Variants in RREB1 observed in about 807,000 individuals in gnomAD.
RREB1 encodes ras responsive element binding protein 1, also known as ras-responsive element-binding protein 1.
A neutral mutation model predicts 117.8 loss-of-function variants in RREB1; 27 were observed. The ratio of observed to expected loss-of-function variants is 0.23; its 90% CI spans 0.17 to 0.32. RREB1 has a LOEUF of 0.32. Among genes scored for constraint, RREB1 ranks in the 10% least tolerant of loss-of-function variants. The probability of loss-of-function intolerance (pLI) is 1.00; values close to 1 mark genes in which losing one functional copy is unlikely to be tolerated. For missense variants in RREB1, 2,577 were observed against 2,378.2 expected (o/e 1.08, Z -1.74); for synonymous variants, 1,298 against 1,026.7 (o/e 1.26, Z -5.05).
intron 1 of RREB1, among the ~76,000 whole-genome samples, chr6:7,132,587 T>C (rs998677137): frequency 6.6e-6 from 1 of 152,266 alleles, no homozygotes; most frequent in Non-Finnish European, 1.5e-5. Flanking sequence ...AGGGGTTATT[T>C]GACCTGTTTC....
intron 10 of RREB1, among the ~76,000 whole-genome samples, chr6:7,236,861 C>G (rs76323331): frequency 2.4e-5 from 3 of 123,854 alleles, no homozygotes; most frequent in Non-Finnish European, 5.0e-5. Flanking sequence ...TAAACACTGG[C>G]TAATTTTTTT....
chr6:7,245,373 C>G (rs927761325), intron 11 of RREB1, among the ~76,000 whole-genome samples: 3 of 152,066 alleles, frequency 2.0e-5, no homozygotes, highest in Non-Finnish European at 4.4e-5. Context: ...CCAGCCTGGG[C>G]GACAAGGCGA....
chr6:7,129,626 A>G (rs1404828044), intron 1 of RREB1, among the ~76,000 whole-genome samples: 1 of 152,234 alleles, frequency 6.6e-6, no homozygotes, highest in African/African-American at 2.4e-5. Flanking sequence ...GCGAAGCTTT[A>G]TTTCTTTACA....
intron 10 of RREB1, among the ~76,000 whole-genome samples, chr6:7,237,339 G>A (rs1490729524): frequency 6.6e-6 from 1 of 151,658 alleles, no homozygotes; most frequent in Non-Finnish European, 1.5e-5. Flanking sequence ...CACCAGCCTC[G>A]ACCTCCCAAA....
intron 1 of RREB1, among the ~76,000 whole-genome samples, chr6:7,113,152 GTCCTGACTGC>G (rs1222417298): frequency 6.7e-6 from 1 of 148,620 alleles, no homozygotes; most frequent in African/African-American, 2.5e-5. Flanking sequence ...TGGGGACTGG[GTCCTGACTGC>G]TCCTGCAGGG....
chr6:7,202,139 A>G (rs1253317009), intron 6 of RREB1, among the ~76,000 whole-genome samples: 2 of 151,888 alleles, frequency 1.3e-5, no homozygotes, highest in Non-Finnish European at 2.9e-5. Context: ...ACATCCCCAG[A>G]GTGGGTGGCT....
At chr6:7,189,116 A>T (rs1581512929) in intron 5 of RREB1, 43 bp from the exon 6 acceptor site, 1 of 1,560,496 alleles carries the variant, frequency 6.4e-7, no homozygotes, top group Non-Finnish European at 8.7e-7. Flanking sequence ...TGAGCTTCTG[A>T]TGCACTTTCT....
intron 9 of RREB1, 117 bp downstream of exon 9, chr6:7,226,773 T>A: frequency 2.5e-6 from 2 of 807,722 alleles, no homozygotes; most frequent in Non-Finnish European, 4.0e-6. Context: ...TTGGGCTTTG[T>A]CTTTTTTTGT....
chr6:7,220,894 A>G (rs2714340), intron 8 of RREB1, among the ~76,000 whole-genome samples: 186 of 152,312 alleles, frequency 1.2e-3, no homozygotes, highest in African/African-American at 4.2e-3. Flanking sequence ...GACAAGCCCA[A>G]AGGAGGTTTG....
Position 7,249,130 on chromosome 6 carries a change from A to G in RREB1, c.*162A>G, listed in dbSNP as rs1175565697. The G allele has an allele frequency of 1.5e-6, 1 of 659,500 alleles. No individual in the cohort carries two copies. Among genetic ancestry groups the G allele is most frequent in the African/African-American group, 1.8e-5 (1 of 54,918 alleles). 40.9% of individuals were successfully genotyped at this position (659,500 alleles called of 1,614,324 possible). A position where few individuals can be genotyped will look rare whatever the true frequency, so the allele number is the denominator to read the frequency against. On this transcript the variant is annotated 3_prime_UTR_variant, in exon 13 of 13. Coordinates refer to ENST00000379938, the MANE Select transcript of RREB1 (RefSeq NM_001003699.4). The stretch of plus-strand genomic sequence containing the variant: ...CAAGCAGGAGCGTGGCTGCTCGCTC[A>G]GTGCCATAGCCTTACCGCAGCCTGC...
rs1761842027 is a variant in RREB1, at chr6:7,124,881, C to T, written c.-285+16821C>T. ...AAGCAGCTAGCTAGTAGGGCTCAAA[C>T]TGTGAAGTGTGACTCTGAGCTGTGC... On this transcript the variant is annotated intron_variant, in intron 1 of 12. Transcript: ENST00000379938. 2.0e-5 allele frequency among the ~76,000 whole-genome samples: 3 copies of T among 152,222 alleles called. No homozygotes were observed. In the South Asian group the frequency reaches 6.2e-4, roughly 32 times the overall value.
intron 1 of RREB1, among the ~76,000 whole-genome samples, chr6:7,133,468 T>C (rs1407766781): frequency 6.6e-6 from 1 of 152,066 alleles, no homozygotes; most frequent in Non-Finnish European, 1.5e-5. Flanking sequence ...ACCCGGGAAG[T>C]CCCAGCCACT....
At chr6:7,241,534 G>A (rs1561805673) in intron 11 of RREB1, among the ~76,000 whole-genome samples, 1 of 152,128 alleles carries the variant, frequency 6.6e-6, no homozygotes, top group South Asian at 2.1e-4. Context: ...TTGTATTTGC[G>A]TCCTGTGGCT....
chr6:7,230,913 C>T lies in RREB1; in HGVS notation c.2814C>T (p.Ser938=), dbSNP rs1479411505. The T allele has an allele frequency of 6.8e-6, 11 of 1,614,028 alleles. No homozygotes were observed. Among genetic ancestry groups the T allele is most frequent in the African/African-American group, 1.3e-5 (1 of 74,944 alleles). The change falls in exon 10 of 13, where the codon TCC becomes TCT. Residue 938 remains serine, a synonymous_variant. Coordinates refer to ENST00000379938, the MANE Select transcript of RREB1 (RefSeq NM_001003699.4). ...GCTCCATGGAGCCCATCGACCTGTC[C>T]ATCCCCAAGAACTTCAGGAAAGGGG... The part of the protein sequence containing the change: ...YDCSMEPIDL[S]IPKNFRKGDK...
Position 7,137,068 on chromosome 6 carries a change from C to A in RREB1, c.-285+29008C>A, listed in dbSNP as rs76394590. ...AGCTTGCTGGGTTTAGGGTCATCAC[C>A]CAGGATCTGGCGACGGGAGTGCCTC... On this transcript the variant is annotated intron_variant, in intron 1 of 12. Coordinates refer to ENST00000379938, the MANE Select transcript of RREB1 (RefSeq NM_001003699.4). 4.5e-3 allele frequency among the ~76,000 whole-genome samples: 681 copies of A among 152,328 alleles called. 6 individuals are homozygous for A. The highest frequency in any genetic ancestry group is 0.017 in the Middle Eastern group (5 of 294).
chr6:7,226,138 C>G (rs572358952), intron 8 of RREB1, among the ~76,000 whole-genome samples: 1 of 152,162 alleles, frequency 6.6e-6, no homozygotes, highest in Non-Finnish European at 1.5e-5. Context: ...AATGCCTGAT[C>G]GAGGCGAGAG....
At position 7,149,792 on chromosome 6, in the gene RREB1, G is replaced by A. The variant is rs903464674; in HGVS notation, c.-284-26863G>A. Among the ~76,000 whole-genome samples, 4 of 152,124 alleles carry A rather than the reference G, an allele frequency of 2.6e-5. No homozygotes were observed. In the East Asian group the frequency reaches 7.7e-4, roughly 29 times the overall value. ...AACCTGGCGCCTCCCAGGTTCAAGC[G>A]ATTCTCCTGCCTCAGCCTCCTGAGT... is the stretch of plus-strand genomic sequence containing the variant. On this transcript the variant is annotated intron_variant, in intron 1 of 12. Coordinates refer to ENST00000379938, the MANE Select transcript of RREB1 (RefSeq NM_001003699.4).
At chr6:7,113,177 A>G (rs1231097061) in intron 1 of RREB1, among the ~76,000 whole-genome samples, 1 of 152,140 alleles carries the variant, frequency 6.6e-6, no homozygotes, top group African/African-American at 2.4e-5. Context: ...GCAGGGATTC[A>G]CCTGAGGGCT....
intron 1 of RREB1, among the ~76,000 whole-genome samples, chr6:7,143,466 T>A (rs1420349823): frequency 6.6e-6 from 1 of 152,208 alleles, no homozygotes; most frequent in East Asian, 1.9e-4. Context: ...TGTTCTGGTT[T>A]CTAGTTGGGC....
Sources: gnomAD v4.1 joint callset for allele counts (sites outside exome capture counted in the v4.1 genomes callset) on GRCh38, gnomAD v4.1.1 for gene constraint, MANE v1.5 for transcripts, NCBI Gene and HGNC (gene_info 2026-07-23, HGNC 2026-07-21) for gene names.